APBB2: variants seen among roughly 807,000 people sequenced by gnomAD.
The protein encoded by APBB2 is Fe65-like 1.
A neutral mutation model predicts 82.5 loss-of-function variants in APBB2; 38 were observed. The observed-to-expected ratio is 0.46, with a 90% CI of 0.36 to 0.60. APBB2 has a LOEUF of 0.60. Ranked by LOEUF, APBB2 falls within the 20% of genes least tolerant of loss-of-function variation. The pLI, the probability that APBB2 is intolerant of heterozygous loss-of-function variation, is 0.00. For synonymous variants in APBB2, 341 were observed against 368.2 expected (o/e 0.93, Z 0.85); for missense variants, 772 against 972.3 (o/e 0.79, Z 2.74).
At chr4:41,184,141 A>G (rs1380248505) in intron 1 of APBB2, among the ~76,000 whole-genome samples, 6 of 152,058 alleles carry the variant, frequency 3.9e-5, no homozygotes, top group Admixed American at 3.9e-4. Flanking sequence ...CTGATCTGAC[A>G]GGGGGCAGAG....
At chr4:40,819,279 A>C (rs990558196) in intron 17 of APBB2, among the ~76,000 whole-genome samples, 5 of 147,608 alleles carry the variant, frequency 3.4e-5, no homozygotes, top group African/African-American at 1.3e-4. Context: ...TCCACCCCCA[A>C]GTTCAAGCCA....
At chr4:40,917,742 CA>C (rs1462811607) in intron 10 of APBB2, among the ~76,000 whole-genome samples, 1 of 152,106 alleles carries the variant, frequency 6.6e-6, no homozygotes, top group Non-Finnish European at 1.5e-5. Flanking sequence ...TACAGGATAT[CA>C]AAGAAGTAGA....
chr4:40,848,853 T>C lies in APBB2; in HGVS notation c.1530-18276A>G, dbSNP rs1758449973. 4.1e-6 allele frequency: 4 copies of C among 985,178 alleles called. No homozygotes were observed. In the South Asian group the frequency reaches 1.4e-4, roughly 35 times the overall value. 61.0% of individuals were successfully genotyped at this position (985,178 alleles called of 1,614,324 possible). ...GGTCCTCCCCTCATCATCCTGATCA[T>C]CACTGCCTCCAAAAGAACCCTGAGG... On this transcript the variant is annotated intron_variant, in intron 12 of 17. Coordinates refer to ENST00000508593, the MANE Select transcript of APBB2 (RefSeq NM_004307.2).
At chr4:40,871,708 A>G (rs1765567949) in intron 12 of APBB2, among the ~76,000 whole-genome samples, 1 of 152,262 alleles carries the variant, frequency 6.6e-6, no homozygotes, top group African/African-American at 2.4e-5. Flanking sequence ...ATAGACCCTC[A>G]GTAAACCATA....
intron 6 of APBB2, among the ~76,000 whole-genome samples, chr4:40,957,441 C>A (rs1791936604): frequency 6.6e-6 from 1 of 152,146 alleles, no homozygotes; most frequent in Non-Finnish European, 1.5e-5. Context: ...GTACATCATG[C>A]CTCTTTCATT....
intron 6 of APBB2, among the ~76,000 whole-genome samples, chr4:40,997,452 A>AT (rs1274514134): frequency 1.3e-5 from 2 of 152,226 alleles, no homozygotes; most frequent in African/African-American, 4.8e-5. Context: ...CTCATGTTTC[A>AT]TTAACAAAAG....
chr4:40,837,430 A>G (rs1415762439), intron 12 of APBB2, among the ~76,000 whole-genome samples: 1 of 152,230 alleles, frequency 6.6e-6, no homozygotes, highest in Admixed American at 6.5e-5. Flanking sequence ...GGCGCCTCAC[A>G]CAGCCACGCA....
intron 10 of APBB2, among the ~76,000 whole-genome samples, chr4:40,903,426 C>T (rs1775876096): frequency 6.6e-6 from 1 of 152,162 alleles, no homozygotes; most frequent in African/African-American, 2.4e-5. Flanking sequence ...AAGATCGTGC[C>T]ACTGCACTCC....
At chr4:41,015,264 C>T (rs16851671) in intron 5 of APBB2, among the ~76,000 whole-genome samples, 6,995 of 152,204 alleles carry the variant, frequency 0.046, 342 homozygotes, top group African/African-American at 0.13. Context: ...ATATGTCTCT[C>T]GCTGGGAAGA....
At chr4:40,979,758 T>C (rs1798032080) in intron 6 of APBB2, among the ~76,000 whole-genome samples, 1 of 152,148 alleles carries the variant, frequency 6.6e-6, no homozygotes, top group African/African-American at 2.4e-5. Flanking sequence ...GGAAATGAAT[T>C]CTGCCGACAA....
At chr4:41,148,807 G>A (rs920047709) in intron 1 of APBB2, among the ~76,000 whole-genome samples, 2 of 152,060 alleles carry the variant, frequency 1.3e-5, no homozygotes, top group Non-Finnish European at 2.9e-5. Flanking sequence ...TATGTATCAG[G>A]TACCATTCTA....
chr4:41,118,301 G>A (rs1167586579), intron 2 of APBB2: 2 of 152,162 alleles, frequency 1.3e-5, no homozygotes, highest in African/African-American at 4.8e-5. Flanking sequence ...CTGACATGGA[G>A]CCAGGCCTTG....
intron 3 of APBB2, among the ~76,000 whole-genome samples, chr4:41,097,506 G>A (rs1227543133): frequency 6.6e-6 from 1 of 152,172 alleles, no homozygotes; most frequent in Non-Finnish European, 1.5e-5. Flanking sequence ...CACTAAAAGT[G>A]ATGCTGTAGG....
At chr4:40,829,419 T>C (rs934008917) in intron 13 of APBB2, among the ~76,000 whole-genome samples, 21 of 152,192 alleles carry the variant, frequency 1.4e-4, no homozygotes, top group African/African-American at 4.1e-4. Context: ...GACTCAATGA[T>C]AGATGCTTGT....
intron 12 of APBB2, among the ~76,000 whole-genome samples, chr4:40,871,922 C>T (rs967402382): frequency 9.2e-5 from 14 of 152,060 alleles, no homozygotes; most frequent in Admixed American, 6.5e-4. Flanking sequence ...AGTGACAACC[C>T]GAGGTTGAAG....
intron 4 of APBB2, among the ~76,000 whole-genome samples, chr4:41,044,532 T>A (rs1722682813): frequency 6.6e-6 from 1 of 152,210 alleles, no homozygotes; most frequent in African/African-American, 2.4e-5. Flanking sequence ...GAGGAGCTCA[T>A]GAGGAGCAAT....
At chr4:41,163,486 GATAAT>G (rs1303544996) in intron 1 of APBB2, among the ~76,000 whole-genome samples, 1 of 152,148 alleles carries the variant, frequency 6.6e-6, no homozygotes, top group African/African-American at 2.4e-5. Context: ...AGGAGTAAAA[GATAAT>G]ATAAGCTGAT....
intron 1 of APBB2, among the ~76,000 whole-genome samples, chr4:41,159,155 C>T (rs965852663): frequency 6.6e-6 from 1 of 152,220 alleles, no homozygotes; most frequent in African/African-American, 2.4e-5. Context: ...TAGGGCAAGT[C>T]TCAAACTCAC....
At chr4:41,136,870 C>T (rs2154014100) in intron 2 of APBB2, among the ~76,000 whole-genome samples, 1 of 152,256 alleles carries the variant, frequency 6.6e-6, no homozygotes, top group Non-Finnish European at 1.5e-5. Flanking sequence ...AAATGATCAA[C>T]TAGATTCCAA....
Sources: allele counts gnomAD v4.1 joint callset (sites outside exome capture counted in the v4.1 genomes callset), GRCh38; gene constraint gnomAD v4.1.1; transcripts MANE v1.5; gene names NCBI Gene and HGNC (gene_info 2026-07-23, HGNC 2026-07-21).